CCDC178: variants seen among roughly 807,000 people sequenced by gnomAD.
The protein encoded by CCDC178 is coiled-coil domain-containing protein 178.
CCDC178 carries 126 observed loss-of-function variants against 117.4 expected under a neutral mutation model. That is an observed-to-expected ratio of 1.07 (90% CI 0.93 to 1.24). CCDC178 has a LOEUF of 1.24. Ranked by LOEUF, CCDC178 falls within the 50% of genes most tolerant of loss-of-function variation. The probability of loss-of-function intolerance (pLI) is 0.00; values close to 1 mark genes in which losing one functional copy is unlikely to be tolerated. For missense variants in CCDC178, 1,030 were observed against 986.9 expected (o/e 1.04, Z -0.59); for synonymous variants, 283 against 313.4 (o/e 0.90, Z 1.02).
chr18:33,280,206 GACAAAGGGC>G (rs1199658077), intron 12 of CCDC178, among the ~76,000 whole-genome samples: 1 of 152,050 alleles, frequency 6.6e-6, no homozygotes, highest in Non-Finnish European at 1.5e-5. Flanking sequence ...CTATTCATCT[GACAAAGGGC>G]TAATATCCAG....
chr18:33,336,902 A>T (rs768020192), intron 9 of CCDC178, among the ~76,000 whole-genome samples: 2 of 151,916 alleles, frequency 1.3e-5, no homozygotes, highest in Non-Finnish European at 2.9e-5. Flanking sequence ...TTCCACATGA[A>T]TTTTAGGATT....
chr18:33,337,245 A>G (rs1282199869), intron 9 of CCDC178, among the ~76,000 whole-genome samples: 1 of 150,858 alleles, frequency 6.6e-6, no homozygotes, highest in Non-Finnish European at 1.5e-5. Flanking sequence ...TAATTTTTGT[A>G]CACAAAATTA....
At chr18:33,024,704 C>T (rs1270548347) in intron 21 of CCDC178, among the ~76,000 whole-genome samples, 2 of 151,612 alleles carry the variant, frequency 1.3e-5, no homozygotes, top group African/African-American at 4.8e-5. Flanking sequence ...AGTGCAGTGG[C>T]ACGATCTCGG....
intron 11 of CCDC178, among the ~76,000 whole-genome samples, chr18:33,316,953 G>T (rs986398639): frequency 5.3e-5 from 8 of 151,856 alleles, no homozygotes; most frequent in Non-Finnish European, 1.2e-4. Context: ...GATTGTAAAC[G>T]CACCAATCAG....
At chr18:32,952,860 G>A (rs1286678389) in intron 22 of CCDC178, among the ~76,000 whole-genome samples, 6 of 147,096 alleles carry the variant, frequency 4.1e-5, no homozygotes, top group East Asian at 2.0e-4. Context: ...TGCAAGCTCC[G>A]CCTCCTGGGT....
intron 16 of CCDC178, 38 bp downstream of exon 16, chr18:33,226,755 A>T (rs763026405): frequency 7.2e-7 from 1 of 1,394,342 alleles, no homozygotes; most frequent in Non-Finnish European, 9.9e-7. Flanking sequence ...AATGCAAATT[A>T]AAGGAAGAAT....
At chr18:33,221,007 G>T (rs1051183200) in intron 18 of CCDC178, among the ~76,000 whole-genome samples, 1 of 151,994 alleles carries the variant, frequency 6.6e-6, no homozygotes, top group Admixed American at 6.6e-5. Context: ...ACCAGACAGG[G>T]ATGGAGCTGT....
At chr18:33,115,418 C>A (rs2057842704) in intron 20 of CCDC178, among the ~76,000 whole-genome samples, 1 of 151,884 alleles carries the variant, frequency 6.6e-6, no homozygotes, top group African/African-American at 2.4e-5. Context: ...ATCCTTTTTT[C>A]ACTATTAGAA....
chr18:33,228,671 C>T (rs1166859784), intron 15 of CCDC178, among the ~76,000 whole-genome samples: 3 of 152,158 alleles, frequency 2.0e-5, no homozygotes, highest in East Asian at 3.9e-4. Context: ...TTCTACCATG[C>T]CCCCAAACCT....
chr18:33,273,195 C>G (rs2059909782), intron 12 of CCDC178, among the ~76,000 whole-genome samples: 1 of 151,478 alleles, frequency 6.6e-6, no homozygotes, highest in Non-Finnish European at 1.5e-5. Context: ...AATTTTGCAA[C>G]TTGCAGGATA....
Position 33,247,093 on chromosome 18 carries a change from T to TGTGTGA in CCDC178, c.1410-1666_1410-1665insTCACAC, listed in dbSNP as rs557237712. On this transcript the variant is annotated intron_variant, in intron 14 of 22. Transcript: ENST00000383096. ...TGTGTTACGTGTGTGTGTGTGTGTG[T>TGTGTGA]GAGAGAGAGAGAGAGACAGAGTCAG... Among the ~76,000 whole-genome samples, 996 of 148,178 alleles carry TGTGTGA rather than the reference T, an allele frequency of 6.7e-3. 7 individuals are homozygous for TGTGTGA. The highest frequency in any genetic ancestry group is 0.024 in the African/African-American group (944 of 39,886).
At chr18:32,945,384 A>T (rs1014606163) in intron 22 of CCDC178, among the ~76,000 whole-genome samples, 1 of 152,208 alleles carries the variant, frequency 6.6e-6, no homozygotes, top group South Asian at 2.1e-4. Flanking sequence ...TAGATTGCTG[A>T]TTACATGAAG....
At chr18:32,963,525 G>A (rs1022013375) in intron 22 of CCDC178, among the ~76,000 whole-genome samples, 5 of 151,782 alleles carry the variant, frequency 3.3e-5, no homozygotes, top group African/African-American at 1.2e-4. Context: ...TCCCCGTGTT[G>A]CATTTTTATG....
At chr18:33,367,332 T>C (rs1026409477) in intron 6 of CCDC178, among the ~76,000 whole-genome samples, 2 of 152,100 alleles carry the variant, frequency 1.3e-5, no homozygotes, top group African/African-American at 4.8e-5. Flanking sequence ...TCATTTTATG[T>C]GACGTGAGGA....
At chr18:33,317,422 G>A (rs1203633025) in intron 11 of CCDC178, among the ~76,000 whole-genome samples, 5 of 152,088 alleles carry the variant, frequency 3.3e-5, no homozygotes, top group Non-Finnish European at 5.9e-5. Flanking sequence ...TGGACACGCC[G>A]CCTTTAAGAA....
intron 21 of CCDC178, among the ~76,000 whole-genome samples, chr18:32,986,129 T>C (rs926910117): frequency 7.9e-5 from 12 of 152,160 alleles, no homozygotes; most frequent in African/African-American, 2.9e-4. Flanking sequence ...AAAAAAGAGT[T>C]CACTAGACAC....
At chr18:33,046,424 C>A (rs2056644061) in intron 21 of CCDC178, among the ~76,000 whole-genome samples, 1 of 151,890 alleles carries the variant, frequency 6.6e-6, no homozygotes, top group South Asian at 2.1e-4. Context: ...TTTTGATGGC[C>A]TAGAGAGACA....
At chr18:33,000,553 G>T (rs202216756) in intron 21 of CCDC178, among the ~76,000 whole-genome samples, 2 of 152,066 alleles carry the variant, frequency 1.3e-5, no homozygotes, top group East Asian at 3.8e-4. Flanking sequence ...AATCAAACTT[G>T]AAGGCTAAAG....
chr18:33,179,892 C>G (rs932911046), intron 20 of CCDC178, among the ~76,000 whole-genome samples: 7 of 151,842 alleles, frequency 4.6e-5, no homozygotes, highest in Non-Finnish European at 8.8e-5. Flanking sequence ...GGACAGATTT[C>G]TTTTTTTAAA....
Sources: gnomAD v4.1 joint callset for allele counts (sites outside exome capture counted in the v4.1 genomes callset) on GRCh38, gnomAD v4.1.1 for gene constraint, MANE v1.5 for transcripts, NCBI Gene and HGNC (gene_info 2026-07-23, HGNC 2026-07-21) for gene names.